JMJD1C: variants seen among roughly 807,000 people sequenced by gnomAD.
JMJD1C encodes jumonji domain-containing protein 1C.
A neutral mutation model predicts 245.3 loss-of-function variants in JMJD1C; 31 were observed. That is an observed-to-expected ratio of 0.13 (90% CI 0.09 to 0.17). The LOEUF is 0.17. Among genes scored for constraint, JMJD1C ranks in the 10% least tolerant of loss-of-function variants. JMJD1C has a pLI of 1.00. For missense variants in JMJD1C, 2,691 were observed against 3,000.2 expected, an observed-to-expected ratio of 0.90 and a Z score of 2.41; for synonymous variants, 1,057 against 1,017.4, an observed-to-expected ratio of 1.04 and a Z score of -0.74.
chr10:63,334,802 G>A (rs796467238), intron 2 of JMJD1C, among the ~76,000 whole-genome samples: 11 of 151,872 alleles, frequency 7.2e-5, no homozygotes, highest in East Asian at 2.0e-4. Context: ...TCCACCTCCC[G>A]GGTTCAAACG....
At chr10:63,251,568 T>C (rs907361119) in intron 3 of JMJD1C, among the ~76,000 whole-genome samples, 4 of 152,268 alleles carry the variant, frequency 2.6e-5, no homozygotes, top group African/African-American at 9.6e-5. Context: ...TGAAAGGAGA[T>C]TGTGGACAGC....
At chr10:63,230,060 A>G (rs1276646816) in intron 3 of JMJD1C, among the ~76,000 whole-genome samples, 1 of 152,224 alleles carries the variant, frequency 6.6e-6, no homozygotes, top group Middle Eastern at 3.2e-3. Context: ...TAAATTTGGC[A>G]TTAAGTCTGT....
At chr10:63,224,666 G>T (rs901803483) in intron 3 of JMJD1C, among the ~76,000 whole-genome samples, 1 of 152,166 alleles carries the variant, frequency 6.6e-6, no homozygotes, top group Non-Finnish European at 1.5e-5. Flanking sequence ...TTACAGATAA[G>T]AGAAATTAAG....
At chr10:63,262,287 A>G (rs1304131128) in intron 3 of JMJD1C, among the ~76,000 whole-genome samples, 1 of 152,116 alleles carries the variant, frequency 6.6e-6, no homozygotes, top group Non-Finnish European at 1.5e-5. Context: ...CACGAACTCT[A>G]AATTTTTTTT....
intron 2 of JMJD1C, among the ~76,000 whole-genome samples, chr10:63,276,504 G>C (rs1302984407): frequency 6.6e-6 from 1 of 151,058 alleles, no homozygotes; most frequent in Non-Finnish European, 1.5e-5. Context: ...GGCCAACATG[G>C]TGAAACCCCA....
intron 3 of JMJD1C, among the ~76,000 whole-genome samples, chr10:63,238,580 G>A (rs1490250348): frequency 2.0e-5 from 3 of 152,154 alleles, no homozygotes; most frequent in Admixed American, 6.5e-5. Context: ...TATAATCGAT[G>A]TAAACTGTAA....
intron 1 of JMJD1C, among the ~76,000 whole-genome samples, chr10:63,440,374 AGAG>A (rs1295082260): frequency 3.3e-4 from 49 of 150,106 alleles, no homozygotes; most frequent in Non-Finnish European, 8.9e-5. Context: ...ATAGAGAGAG[AGAG>A]AGAGAGAGAG....
chr10:63,277,464 A>T (rs1403525836), intron 2 of JMJD1C, among the ~76,000 whole-genome samples: 1 of 152,200 alleles, frequency 6.6e-6, no homozygotes, highest in Non-Finnish European at 1.5e-5. Context: ...AACTTTTACT[A>T]AAGTAGATCT....
At chr10:63,221,211 T>C (rs953126134) in intron 3 of JMJD1C, among the ~76,000 whole-genome samples, 1 of 151,946 alleles carries the variant, frequency 6.6e-6, no homozygotes, top group African/African-American at 2.4e-5. Context: ...TTTGGCAACT[T>C]TGAAAAGCCA....
chr10:63,177,876 T>G lies in JMJD1C; in HGVS notation c.7085-20A>C. 12 of 1,609,530 alleles carry G rather than the reference T, an allele frequency of 7.5e-6. No individual in the cohort carries two copies. The highest frequency in any genetic ancestry group is 1.0e-5 in the Non-Finnish European group (12 of 1,178,654). ...GAATTCCTGAAACAAAGGAACATAA[T>G]TTCAAATTGTCGGCAAAGAATACCA... On this transcript the variant is annotated intron_variant, in intron 22 of 25. Coordinates refer to ENST00000399262, the MANE Select transcript of JMJD1C (RefSeq NM_032776.3).
At chr10:63,265,062 C>T (rs1855373430) in intron 2 of JMJD1C, among the ~76,000 whole-genome samples, 1 of 151,844 alleles carries the variant, frequency 6.6e-6, no homozygotes, top group Non-Finnish European at 1.5e-5. Context: ...AAAATGTCTG[C>T]TTAAAAAGAG....
chr10:63,362,679 C>G (rs1945492812), intron 2 of JMJD1C, among the ~76,000 whole-genome samples: 1 of 152,036 alleles, frequency 6.6e-6, no homozygotes, highest in Non-Finnish European at 1.5e-5. Context: ...TATGGTTTCA[C>G]TATGTTACTT....
At chr10:63,520,685 G>A (rs1040060707) in intron 1 of JMJD1C, among the ~76,000 whole-genome samples, 4 of 152,144 alleles carry the variant, frequency 2.6e-5, no homozygotes, top group South Asian at 2.1e-4. Context: ...TTGAACATCT[G>A]GCAGGCCTCA....
chr10:63,444,118 A>C (rs189202579), intron 1 of JMJD1C, among the ~76,000 whole-genome samples: 39 of 152,364 alleles, frequency 2.6e-4, no homozygotes, highest in Non-Finnish European at 5.3e-4. Flanking sequence ...GAGTCAATTC[A>C]TAACAGTAAG....
At chr10:63,432,188 G>C (rs1222939645) in intron 1 of JMJD1C, among the ~76,000 whole-genome samples, 1 of 152,124 alleles carries the variant, frequency 6.6e-6, no homozygotes, top group Non-Finnish European at 1.5e-5. Flanking sequence ...CCAGGAAGTA[G>C]TTTATGTGCC....
At chr10:63,263,201 A>T (rs1469578077) in intron 3 of JMJD1C, among the ~76,000 whole-genome samples, 1 of 152,236 alleles carries the variant, frequency 6.6e-6, no homozygotes, top group Non-Finnish European at 1.5e-5. Flanking sequence ...AATAAATATT[A>T]TAAACAAAGA....
At chr10:63,312,184 C>T (rs1939314723) in intron 2 of JMJD1C, among the ~76,000 whole-genome samples, 1 of 149,846 alleles carries the variant, frequency 6.7e-6, no homozygotes, top group Admixed American at 6.7e-5. Context: ...CTCGGCTCAC[C>T]ACAACCTCCG....
intron 2 of JMJD1C, among the ~76,000 whole-genome samples, chr10:63,372,616 C>A (rs547737924): frequency 6.6e-6 from 1 of 152,196 alleles, no homozygotes; most frequent in South Asian, 2.1e-4. Context: ...CAGTAGGGTT[C>A]TTTTTCACTA....
intron 3 of JMJD1C, among the ~76,000 whole-genome samples, chr10:63,247,106 AAAAAC>A (rs1412567347): frequency 2.9e-5 from 4 of 136,984 alleles, no homozygotes; most frequent in Non-Finnish European, 6.6e-5. Flanking sequence ...CTGAGACAAA[AAAAAC>A]AAAAACAAAA....
Sources: gnomAD v4.1 joint callset for allele counts (sites outside exome capture counted in the v4.1 genomes callset) on GRCh38, gnomAD v4.1.1 for gene constraint, MANE v1.5 for transcripts, NCBI Gene and HGNC (gene_info 2026-07-23, HGNC 2026-07-21) for gene names.